Variants in AGAP4 observed in about 807,000 individuals in gnomAD.
The protein encoded by AGAP4 is arf-GAP with GTPase, ANK repeat and PH domain-containing protein 4.
A neutral mutation model predicts 60.7 loss-of-function variants in AGAP4; 13 were observed. The ratio of observed to expected loss-of-function variants is 0.21; its 90% CI spans 0.14 to 0.34. The LOEUF is 0.34. AGAP4 is among the 10% of genes least tolerant of loss of function. The pLI, the probability that AGAP4 is intolerant of heterozygous loss-of-function variation, is 1.00. For synonymous variants in AGAP4, 70 were observed against 339.0 expected, an observed-to-expected ratio of 0.21 and a Z score of 8.72; for missense variants, 169 against 884.0, an observed-to-expected ratio of 0.19 and a Z score of 10.26.
chr10:45,853,728 C>G, exon 1 of AGAP4: 1 of 1,287,914 alleles, frequency 7.8e-7, no homozygotes, highest in Non-Finnish European at 1.0e-6. Context: ...GAGATCACAG[C>G]AGCAGCCAAC....
chr10:45,850,436 C>G (rs2059069421), upstream of AGAP4, among the ~76,000 whole-genome samples: 1 of 151,738 alleles, frequency 6.6e-6, no homozygotes, highest in African/African-American at 2.4e-5. Context: ...AAACCCACCT[C>G]TATTTGACCT....
chr10:45,834,647 G>C (rs2058784159), intron 4 of AGAP4, among the ~76,000 whole-genome samples: 1 of 68,396 alleles, frequency 1.5e-5, no homozygotes, highest in Non-Finnish European at 2.5e-5. Flanking sequence ...TGCACTCCAG[G>C]CCGGCAGACA....
chr10:45,834,849 C>G lies in AGAP4; in HGVS notation c.397-733G>C, dbSNP rs1261276244. 2.0e-5 allele frequency among the ~76,000 whole-genome samples: 3 copies of G among 146,420 alleles called. No homozygotes were observed. The East Asian group carries it at 6.0e-4, about 29-fold the overall frequency. On this transcript the variant is annotated intron_variant, in intron 4 of 7. Coordinates refer to ENST00000616763, the MANE Select transcript of AGAP4 (RefSeq NM_001276343.3). ...AGTGCAGTGGCGCGATCTCGGCTCACTGCAAGCTCCGCCTCCCGGGTTCAC... is the reference window on the plus strand; with the variant it reads ...AGTGCAGTGGCGCGATCTCGGCTCAGTGCAAGCTCCGCCTCCCGGGTTCAC...
rs376151039 is a variant in AGAP4 at position 45,839,977 on chromosome 10, C to T, written c.396+1676G>A. On this transcript the variant is annotated intron_variant, in intron 4 of 7. Coordinates refer to ENST00000616763, the MANE Select transcript of AGAP4 (RefSeq NM_001276343.3). The stretch of plus-strand genomic sequence containing the variant: ...GGGAAAAATTAAAAATCAATGCAGG[C>T]GTACTGGTCTAAGCAGCCTAGCATC... Among the ~76,000 whole-genome samples the T allele has an allele frequency of 2.5e-3, 367 of 147,860 alleles. 4 individuals are homozygous for T. The highest frequency in any genetic ancestry group is 8.4e-3 in the African/African-American group (324 of 38,636).
In AGAP4 at chr10:45,831,444, A is replaced by G; in HGVS notation, c.498-15T>C. The G allele has an allele frequency of 6.3e-6, 10 of 1,588,460 alleles. No individual in the cohort carries two copies. The highest frequency in any genetic ancestry group is 8.5e-6 in the Non-Finnish European group (10 of 1,171,932). On this transcript the variant is annotated splice_polypyrimidine_tract_variant and intron_variant, in intron 5 of 7. Transcript: ENST00000616763. ...CCAAGGTCACACTGTGGAAGGAAAA[A>G]AATTCATAACAATAGATGTTAACAT...
At chr10:45,841,908 C>T (rs1482838564) in intron 3 of AGAP4, among the ~76,000 whole-genome samples, 1 of 151,774 alleles carries the variant, frequency 6.6e-6, no homozygotes, top group Non-Finnish European at 1.5e-5. Flanking sequence ...GTTTCTATTA[C>T]ACACAAATGA....
At chr10:45,850,846 T>A (rs1403325944), upstream of AGAP4, among the ~76,000 whole-genome samples, 2 of 152,072 alleles carry the variant, frequency 1.3e-5, no homozygotes, top group East Asian at 3.9e-4. Flanking sequence ...CAGTGTCACA[T>A]TAAAATGGAA....
intron 4 of AGAP4, among the ~76,000 whole-genome samples, chr10:45,834,934 C>G (rs1380572786): frequency 1.4e-5 from 2 of 147,190 alleles, no homozygotes. Flanking sequence ...CCACCGTGCC[C>G]GGCTAACTTT....
At chr10:45,848,742 T>G (rs2059039523), upstream of AGAP4, 2 of 152,380 alleles carry the variant, frequency 1.3e-5, no homozygotes, top group Non-Finnish European at 2.9e-5. Flanking sequence ...GTTGGGTAAT[T>G]TTTAAAGGAA....
chr10:45,841,795 C>T lies in AGAP4; in HGVS notation c.362-108G>A. On this transcript the variant is annotated intron_variant, in intron 3 of 7. Coordinates refer to ENST00000616763, the MANE Select transcript of AGAP4 (RefSeq NM_001276343.3). ...TCCTATGAAAAATGAGACAAAATTC[C>T]ATTAAAAAAAAAATTTTCAATAACA... The T allele has an allele frequency of 1.6e-5, 19 of 1,180,328 alleles. 1 individual carries two copies. Among genetic ancestry groups the T allele is most frequent in the Non-Finnish European group, 2.2e-5 (19 of 882,592 alleles). 73.1% of individuals were successfully genotyped at this position (1,180,328 alleles called of 1,614,324 possible).
upstream of AGAP4, among the ~76,000 whole-genome samples, chr10:45,849,842 G>A (rs1384780684): frequency 3.3e-5 from 5 of 151,156 alleles, no homozygotes; most frequent in Non-Finnish European, 7.4e-5. Flanking sequence ...GTTTCTGCAC[G>A]TTGGTCAGGC....
intron 7 of AGAP4, among the ~76,000 whole-genome samples, chr10:45,827,779 C>A (rs1233856008): frequency 2.8e-5 from 1 of 35,198 alleles, no homozygotes; most frequent in African/African-American, 6.9e-5. Context: ...GAAAGAGAGT[C>A]CATAAAAAAA....
intron 3 of AGAP4, among the ~76,000 whole-genome samples, chr10:45,843,803 A>AAC (rs2058957870): frequency 6.7e-6 from 1 of 148,680 alleles, no homozygotes; most frequent in Non-Finnish European, 1.5e-5. Context: ...CAAATGAAAA[A>AAC]GTTAATAACC....
chr10:45,847,244 C>G lies in AGAP4; in HGVS notation c.104G>C (p.Gly35Ala). ...CPSESEIYEA[G>A]AGDRMAGAPM... is the part of the protein sequence containing the mutation. ...CGCTCCTGCCATCCTGTCCCCAGCT[C>G]CTGCCTCATAGATCTCAGATTCAGA... is the stretch of plus-strand genomic sequence containing the variant. Residue 35 changes from glycine (G) to alanine (A), a missense_variant, in exon 1 of 8, where the codon GGA becomes GCA. Coordinates refer to ENST00000616763, the MANE Select transcript of AGAP4 (RefSeq NM_001276343.3). The G allele has an allele frequency of 6.3e-7, 1 of 1,591,408 alleles. No homozygotes were observed. The highest frequency in any genetic ancestry group is 1.1e-5 in the South Asian group (1 of 90,636).
Position 45,843,688 on chromosome 10 carries a change from A to G in AGAP4, c.361+638T>C, listed in dbSNP as rs1366246814. On this transcript the variant is annotated intron_variant, in intron 3 of 7. Coordinates refer to ENST00000616763, the MANE Select transcript of AGAP4 (RefSeq NM_001276343.3). ...ACTTGTGTTCTTGCTGTTTAAGTCA[A>G]CTGGAAAACTTGGCTGTGTATGGCT... Among the ~76,000 whole-genome samples the G allele has an allele frequency of 7.8e-4, 108 of 138,022 alleles. 2 individuals are homozygous for G. The highest frequency in any genetic ancestry group is 2.7e-3 in the African/African-American group (96 of 35,912). 90.5% of individuals were successfully genotyped at this position (138,022 alleles called of 152,430 possible).
chr10:45,832,359 A>G (rs1229426045), intron 5 of AGAP4, among the ~76,000 whole-genome samples: 2 of 149,772 alleles, frequency 1.3e-5, no homozygotes, highest in Non-Finnish European at 3.0e-5. Context: ...AGGTCCCACC[A>G]AATTGGAGCA....
At chr10:45,847,518 C>T (rs2059020245), upstream of AGAP4, 18 of 1,510,380 alleles carry the variant, frequency 1.2e-5, no homozygotes, top group East Asian at 4.4e-4. Context: ...TGGCCCTGGC[C>T]CCGGCCCCGG....
upstream of AGAP4, chr10:45,854,475 A>G (rs1257274540): frequency 6.6e-6 from 1 of 151,622 alleles, no homozygotes; most frequent in Non-Finnish European, 1.5e-5. Flanking sequence ...TAAAAAAAAA[A>G]TCACAAAAAT....
intron 4 of AGAP4, among the ~76,000 whole-genome samples, chr10:45,840,230 C>T (rs1389649816): frequency 6.8e-6 from 1 of 146,282 alleles, no homozygotes; most frequent in East Asian, 2.0e-4. Context: ...AAGAACAACA[C>T]TGTAATAAGA....
Sources: allele counts gnomAD v4.1 joint callset (sites outside exome capture counted in the v4.1 genomes callset), GRCh38; gene constraint gnomAD v4.1.1; transcripts MANE v1.5; gene names NCBI Gene and HGNC (gene_info 2026-07-23, HGNC 2026-07-21).